Variants in OTOG observed in about 807,000 individuals in gnomAD.
OTOG encodes otogelin.
Under a neutral mutation model 313.8 loss-of-function variants are expected in OTOG, and 296 were observed. That is an observed-to-expected ratio of 0.94 (90% confidence interval 0.86 to 1.04). The LOEUF is 1.04. Ranked by LOEUF, OTOG falls within the 50% of genes least tolerant of loss-of-function variation. The pLI is 0.00. For missense variants in OTOG, 3,948 were observed against 3,840.1 expected, an observed-to-expected ratio of 1.03 and a Z score of -0.74; for synonymous variants, 1,533 against 1,554.9, an observed-to-expected ratio of 0.99 and a Z score of 0.33.
At chr11:17,640,455 T>C (rs1847945506) in intron 49 of OTOG, among the ~76,000 whole-genome samples, 1 of 152,146 alleles carries the variant, frequency 6.6e-6, no homozygotes, top group Admixed American at 6.5e-5. Context: ...CTGTCCCCCA[T>C]TTCCTCCCTC....
At chr11:17,633,139 G>T (rs757431316) in intron 42 of OTOG, among the ~76,000 whole-genome samples, 2 of 152,148 alleles carry the variant, frequency 1.3e-5, no homozygotes, top group Non-Finnish European at 2.9e-5. Context: ...ATTGGCCTGG[G>T]GTGGGTTCCC....
In OTOG at chr11:17,610,093, G is replaced by T; in HGVS notation, c.4793G>T (p.Ser1598Ile). The change falls in exon 36 of 56, where the codon AGC (serine) becomes ATC (isoleucine). Residue 1598 changes from serine to isoleucine, a missense_variant. Ser to Ile is a moderately radical substitution (Grantham distance 142). Coordinates refer to ENST00000399397, the MANE Select transcript of OTOG (RefSeq NM_001292063.2). ...TTRVTVIFAG[S>I]PNITVSSRSP... is the part of the protein sequence containing the mutation. ...AGGGTGACTGTGATCTTTGCAGGAA[G>T]CCCTAACATCACAGTCTCCTCCCGG... 6.4e-7 allele frequency: 1 copy of T among 1,550,586 alleles called. No individual in the cohort carries two copies. The highest frequency in any genetic ancestry group is 8.7e-7 in the Non-Finnish European group (1 of 1,146,966).
At chr11:17,625,765 G>A (rs1590051328) in intron 39 of OTOG, among the ~76,000 whole-genome samples, 2 of 151,340 alleles carry the variant, frequency 1.3e-5, no homozygotes. Flanking sequence ...TCTTCACTTT[G>A]TCGATTGTTT....
At chr11:17,597,052 A>C in intron 30 of OTOG, 45 bp downstream of exon 30, 1 of 1,540,670 alleles carries the variant, frequency 6.5e-7, no homozygotes, top group Non-Finnish European at 8.8e-7. Flanking sequence ...GTAGAGTGTC[A>C]CCTGTGGGCA....
At chr11:17,623,209 A>T (rs1012455607) in intron 39 of OTOG, among the ~76,000 whole-genome samples, 1 of 152,140 alleles carries the variant, frequency 6.6e-6, no homozygotes, top group African/African-American at 2.4e-5. Context: ...ATAAACTCAT[A>T]TCGCAGGAGT....
chr11:17,584,922 C>A (rs183298729), intron 23 of OTOG, among the ~76,000 whole-genome samples: 1 of 152,130 alleles, frequency 6.6e-6, no homozygotes, highest in Non-Finnish European at 1.5e-5. Flanking sequence ...AATCTTAAAC[C>A]AGTCTTACAT....
chr11:17,551,245 C>T (rs1565086990), intron 3 of OTOG, among the ~76,000 whole-genome samples: 1 of 152,168 alleles, frequency 6.6e-6, no homozygotes, highest in Non-Finnish European at 1.5e-5. Context: ...CATTAGACGT[C>T]TCGGACTGGA....
At position 17,586,487 on chromosome 11, in the gene OTOG, G is replaced by C. The variant is rs774229562; in HGVS notation, c.2773G>C (p.Gly925Arg). Residue 925 changes from glycine (G) to arginine (R), a missense_variant, in exon 24 of 56, where the codon GGG (glycine) becomes CGG (arginine). Coordinates refer to ENST00000399397, the MANE Select transcript of OTOG (RefSeq NM_001292063.2). ...GTGTCTCTACAGTCTGCTCAGACAC[G>C]GGGATGCATGTTTCCTGCCAGAGGA... Reference protein sequence around the residue: ...CACPQGLLRHGDACFLPEECP... With the variant: ...CACPQGLLRHRDACFLPEECP... 1.4e-6 allele frequency: 2 copies of C among 1,431,290 alleles called. No homozygotes were observed. The highest frequency in any genetic ancestry group is 3.2e-5 in the South Asian group (2 of 63,482). The allele number at this position is 1,431,290 out of a possible 1,614,324, so 88.7% of individuals were successfully genotyped here. A position where few individuals can be genotyped will look rare whatever the true frequency, so the allele number is the denominator to read the frequency against.
intron 53 of OTOG, 22 bp from the exon 54 acceptor site, chr11:17,643,439 T>G: frequency 7.1e-7 from 1 of 1,411,590 alleles, no homozygotes; most frequent in Non-Finnish European, 9.3e-7. Flanking sequence ...CCTACCTACC[T>G]CCCCCGACTT....
At position 17,613,207 on chromosome 11, in the gene OTOG, C is replaced by CTTTCTTTCTTTA. The variant is rs1853621941; in HGVS notation, c.6439-394_6439-393insATTTCTTTCTTT. On this transcript the variant is annotated intron_variant, in intron 38 of 55. Transcript: ENST00000399397. ...CTTTCTTTCTTTCTTTTCTTTCTTT[C>CTTTCTTTCTTTA]TTTCTTTCTTTCTTTCTTTCTTTCT... 7.6e-5 allele frequency among the ~76,000 whole-genome samples: 8 copies of CTTTCTTTCTTTA among 105,654 alleles called. No individual in the cohort carries two copies. The Admixed American group carries it at 7.7e-4, about 10-fold the overall frequency. 69.3% of individuals were successfully genotyped at this position (105,654 alleles called of 152,430 possible). A position where few individuals can be genotyped will look rare whatever the true frequency, so the allele number is the denominator to read the frequency against.
chr11:17,638,689 C>A, intron 48 of OTOG, 140 bp downstream of exon 48: 1 of 1,503,660 alleles, frequency 6.7e-7, no homozygotes, highest in Non-Finnish European at 9.0e-7. Flanking sequence ...CCACCAGAAT[C>A]ACCTTCCTTC....
intron 32 of OTOG, among the ~76,000 whole-genome samples, chr11:17,604,988 G>A (rs1162780447): frequency 6.6e-6 from 1 of 152,238 alleles, no homozygotes; most frequent in Non-Finnish European, 1.5e-5. Flanking sequence ...GGGACACATG[G>A]AAGGGGCTGA....
At position 17,646,031 on chromosome 11, in the gene OTOG, G is replaced by C. The variant is rs149830949; in HGVS notation, c.*87G>C. ...CCCAATGTGAATGGGGGTATTAAAG[G>C]TGGTAGAAATCTGGCACGTGTTGAG... On this transcript the variant is annotated 3_prime_UTR_variant, in exon 56 of 56. Coordinates refer to ENST00000399397, the MANE Select transcript of OTOG (RefSeq NM_001292063.2). The C allele has an allele frequency of 7.4e-7, 1 of 1,357,492 alleles. No homozygotes were observed. Among genetic ancestry groups the C allele is most frequent in the East Asian group, 2.5e-5 (1 of 39,868 alleles). 84.1% of individuals were successfully genotyped at this position (1,357,492 alleles called of 1,614,324 possible). A position where few individuals can be genotyped will look rare whatever the true frequency, so the allele number is the denominator to read the frequency against.
intron 19 of OTOG, among the ~76,000 whole-genome samples, chr11:17,574,279 CTG>C (rs1852467515): frequency 6.6e-6 from 1 of 151,862 alleles, no homozygotes; most frequent in African/African-American, 2.4e-5. Flanking sequence ...TATCCACAAC[CTG>C]TGTGTGACAC....
At position 17,558,524 on chromosome 11, in the gene OTOG, G is replaced by A. The variant is rs1378373132; in HGVS notation, c.997-14G>A. 5 of 1,550,344 alleles carry A rather than the reference G, an allele frequency of 3.2e-6. No individual in the cohort carries two copies. The South Asian group carries it at 3.6e-5, about 11-fold the overall frequency. Reference sequence around the variant, plus strand: ...TGCCAGCCCCTAGCCCTGGCTCCTGGTCCCTTGCTCTAGGGCGTGTACGAG... The same window carrying A: ...TGCCAGCCCCTAGCCCTGGCTCCTGATCCCTTGCTCTAGGGCGTGTACGAG... On this transcript the variant is annotated splice_polypyrimidine_tract_variant and intron_variant, in intron 9 of 55. Coordinates refer to ENST00000399397, the MANE Select transcript of OTOG (RefSeq NM_001292063.2).
rs1167218241 is a variant in OTOG at position 17,609,705 on chromosome 11, C to G, written c.4405C>G (p.Leu1469Val). Residue 1469 changes from leucine (L) to valine (V), a missense_variant, in exon 36 of 56, where the codon CTC (leucine) becomes GTC (valine). Coordinates refer to ENST00000399397, the MANE Select transcript of OTOG (RefSeq NM_001292063.2). The part of the protein sequence containing the change: ...VPTEALGNET[L>V]PPSQGLPTPS... Reference sequence around the variant, plus strand: ...CACAGAGGCCCTTGGCAATGAGACCCTCCCTCCCAGTCAAGGGTTGCCCAC... The same window carrying G: ...CACAGAGGCCCTTGGCAATGAGACCGTCCCTCCCAGTCAAGGGTTGCCCAC... 20 of 1,528,494 alleles carry G rather than the reference C, an allele frequency of 1.3e-5. No individual in the cohort carries two copies. The Admixed American group carries it at 3.9e-4, about 30-fold the overall frequency. 94.7% of individuals were successfully genotyped at this position (1,528,494 alleles called of 1,614,324 possible). A position where few individuals can be genotyped will look rare whatever the true frequency, so the allele number is the denominator to read the frequency against.
chr11:17,645,561 C>G lies in OTOG; in HGVS notation c.8462-3C>G. ...CAGCTGCCTCATCCCCCTGTCCCCC[C>G]AGGTAAGGAGGATGGGCGCTCCTGC... On this transcript the variant is annotated splice_region_variant and splice_polypyrimidine_tract_variant and intron_variant, in intron 54 of 55. Transcript: ENST00000399397. The G allele has an allele frequency of 1.3e-6, 2 of 1,550,460 alleles. No homozygotes were observed. Among genetic ancestry groups the G allele is most frequent in the Non-Finnish European group, 1.7e-6 (2 of 1,146,928 alleles).
intron 29 of OTOG, 120 bp from the exon 30 acceptor site, chr11:17,596,731 C>A: frequency 2.4e-6 from 2 of 849,706 alleles, no homozygotes; most frequent in Non-Finnish European, 1.9e-6. Flanking sequence ...CCTCATGAGA[C>A]AGGATAGCTC....
At position 17,635,101 on chromosome 11, in the gene OTOG, A is replaced by T; in HGVS notation, c.7607A>T (p.Glu2536Val). 6.5e-7 allele frequency: 1 copy of T among 1,549,180 alleles called. No homozygotes were observed. Among genetic ancestry groups the T allele is most frequent in the Non-Finnish European group, 8.7e-7 (1 of 1,146,494 alleles). ...CCAGAGTGTGACCCAGATCTCTGTG[A>T]GGCAGAGCTGGTCCCCAGCTGCCGA... ...YSCECDPDLC[E>V]AELVPSCRQD... The change falls in exon 46 of 56, where the codon GAG becomes GTG. Residue 2536 changes from glutamate to valine, a missense_variant. Transcript: ENST00000399397.
Sources: gnomAD v4.1 joint callset for allele counts (sites outside exome capture counted in the v4.1 genomes callset) on GRCh38, gnomAD v4.1.1 for gene constraint, MANE v1.5 for transcripts, NCBI Gene and HGNC (gene_info 2026-07-23, HGNC 2026-07-21) for gene names.